NBAS: variants seen among roughly 807,000 people sequenced by gnomAD.
The protein encoded by NBAS is NBAS subunit of NRZ tethering complex.
A neutral mutation model predicts 302.5 loss-of-function variants in NBAS; 219 were observed. The observed-to-expected ratio is 0.72, with a 90% CI of 0.65 to 0.81. NBAS has a LOEUF of 0.81. Among genes scored for constraint, NBAS ranks in the 30% least tolerant of loss-of-function variants. The pLI is 0.00. For synonymous variants in NBAS, 1,118 were observed against 1,021.6 expected (o/e 1.09, Z -1.80); for missense variants, 2,932 against 2,841.6 (o/e 1.03, Z -0.72).
At chr2:15,186,114 G>T (rs1572413675) in intron 50 of NBAS, among the ~76,000 whole-genome samples, 1 of 146,754 alleles carries the variant, frequency 6.8e-6, no homozygotes, top group African/African-American at 2.6e-5. Context: ...ACACACATAT[G>T]TGTATGTATG....
intron 47 of NBAS, among the ~76,000 whole-genome samples, chr2:15,219,942 C>T (rs1417881559): frequency 6.7e-6 from 1 of 149,712 alleles, no homozygotes; most frequent in Non-Finnish European, 1.5e-5. Flanking sequence ...GGGCGGCTGG[C>T]CGGGCAGAGG....
At chr2:14,837,005 T>G in the NBAS span, among the ~76,000 whole-genome samples, 1 of 151,912 alleles carries the variant, frequency 6.6e-6, no homozygotes, top group Admixed American at 6.6e-5. Flanking sequence ...TTCTATGGAT[T>G]TTCTATTAGC....
chr2:15,539,513 C>A (rs73915367), intron 6 of NBAS, among the ~76,000 whole-genome samples, 157 bp from the exon 7 acceptor site: 1 of 152,156 alleles, frequency 6.6e-6, no homozygotes, highest in African/African-American at 2.4e-5. Context: ...AGAGCAGTTT[C>A]CAGAAACACA....
At chr2:15,551,049 G>A (rs1664358023) in intron 6 of NBAS, among the ~76,000 whole-genome samples, 1 of 152,072 alleles carries the variant, frequency 6.6e-6, no homozygotes, top group Non-Finnish European at 1.5e-5. Context: ...TGAGATAAAG[G>A]AGCAGGTCTT....
intron 51 of NBAS, among the ~76,000 whole-genome samples, chr2:15,172,067 G>A (rs143769329): frequency 9.2e-4 from 140 of 152,300 alleles, no homozygotes; most frequent in Admixed American, 5.2e-3. Flanking sequence ...ATGAATGTAA[G>A]CACAACCACA....
chr2:14,917,541 G>T, the NBAS span, among the ~76,000 whole-genome samples: 5 of 152,206 alleles, frequency 3.3e-5, no homozygotes, highest in African/African-American at 1.2e-4. Context: ...AACTTAGAAG[G>T]TATGAATTAG....
chr2:15,466,308 G>T (rs2148569883), intron 19 of NBAS, among the ~76,000 whole-genome samples: 1 of 152,194 alleles, frequency 6.6e-6, no homozygotes, highest in Middle Eastern at 3.4e-3. Context: ...CAAAAGGGAG[G>T]CAGAACACAG....
In NBAS at chr2:15,537,593, G is replaced by A. The variant is rs143728130; in HGVS notation, c.514-1042C>T. 4.7e-3 allele frequency among the ~76,000 whole-genome samples: 723 copies of A among 152,280 alleles called. 8 individuals are homozygous for A. The highest frequency in any genetic ancestry group is 0.016 in the African/African-American group (671 of 41,560). Reference sequence around the variant, plus strand: ...AGGAGTCCAAGACCCAGCCTGGACAGCAAAGCAAGATTCTGTCTTTACAAA... The same window carrying A: ...AGGAGTCCAAGACCCAGCCTGGACAACAAAGCAAGATTCTGTCTTTACAAA... On this transcript the variant is annotated intron_variant, in intron 7 of 51. Coordinates refer to ENST00000281513, the MANE Select transcript of NBAS (RefSeq NM_015909.4).
the NBAS span, among the ~76,000 whole-genome samples, chr2:14,969,809 A>T: frequency 1.3e-5 from 2 of 152,186 alleles, no homozygotes; most frequent in Non-Finnish European, 2.9e-5. Flanking sequence ...TACAAAAATT[A>T]ACTTCAAATA....
the NBAS span, among the ~76,000 whole-genome samples, chr2:15,133,456 G>C: frequency 6.6e-6 from 1 of 152,206 alleles, no homozygotes; most frequent in Non-Finnish European, 1.5e-5. Context: ...AACAGCATTA[G>C]CAAAGGTGTC....
rs138310172 is a variant in NBAS, at chr2:15,473,300, G to A, written c.1647C>T (p.Tyr549=). The A allele has an allele frequency of 9.9e-6, 16 of 1,614,028 alleles. No homozygotes were observed. Among genetic ancestry groups the A allele is most frequent in the Middle Eastern group, 1.6e-4 (1 of 6,062 alleles). Residue 549 remains tyrosine (Y), a synonymous_variant, in exon 16 of 52, where the codon TAC becomes TAT. Coordinates refer to ENST00000281513, the MANE Select transcript of NBAS (RefSeq NM_015909.4). ...GATATACAAGGTCAGTATCCAGGCCGTAGGTATGAGCCAAGGACAAGGCTT... is the reference window on the plus strand; with the variant it reads ...GATATACAAGGTCAGTATCCAGGCCATAGGTATGAGCCAAGGACAAGGCTT... ...YEEALSLAHT[Y]GLDTDLVYQR...
the NBAS span, among the ~76,000 whole-genome samples, chr2:15,113,363 A>C: frequency 2.7e-5 from 1 of 37,336 alleles, no homozygotes; most frequent in Admixed American, 3.4e-4. Flanking sequence ...GTGTGTGTGT[A>C]TCCTAGCTCT....
At chr2:15,174,997 C>T (rs1274405356) in intron 51 of NBAS, among the ~76,000 whole-genome samples, 4 of 152,152 alleles carry the variant, frequency 2.6e-5, no homozygotes, top group East Asian at 1.9e-4. Flanking sequence ...TTTTTTGAGA[C>T]GGAGTCTCAC....
chr2:15,108,079 TTCACCTG>T, the NBAS span, among the ~76,000 whole-genome samples: 13,015 of 152,186 alleles, frequency 0.086, 1,027 homozygotes, highest in African/African-American at 0.21. Flanking sequence ...TGTGTATCCA[TTCACCTG>T]TTGATGCACT....
At chr2:15,503,889 T>G (rs867957681) in intron 11 of NBAS, among the ~76,000 whole-genome samples, 1 of 152,218 alleles carries the variant, frequency 6.6e-6, no homozygotes, top group Non-Finnish European at 1.5e-5. Context: ...TTGAGCTATA[T>G]TCCCAGATCC....
the NBAS span, among the ~76,000 whole-genome samples, chr2:15,107,700 T>G: frequency 6.6e-6 from 1 of 152,286 alleles, no homozygotes; most frequent in Middle Eastern, 3.4e-3. Context: ...ATCATTCATA[T>G]ATAATAAAAT....
the NBAS span, among the ~76,000 whole-genome samples, chr2:15,159,307 C>G: frequency 1.3e-5 from 2 of 152,140 alleles, no homozygotes; most frequent in Non-Finnish European, 2.9e-5. Flanking sequence ...GAATGTTACC[C>G]CTGGGAGAGC....
At chr2:15,498,204 G>T (rs1681141416) in intron 11 of NBAS, among the ~76,000 whole-genome samples, 1 of 152,136 alleles carries the variant, frequency 6.6e-6, no homozygotes. Flanking sequence ...AAAGAATATG[G>T]CAGCAATGTA....
chr2:15,034,278 G>GAAAGAAAGAAAGAAAGAAAGAAAGAA, the NBAS span, among the ~76,000 whole-genome samples: 28 of 127,496 alleles, frequency 2.2e-4, 3 homozygotes, highest in South Asian at 5.5e-4. Flanking sequence ...GAAAGAAAGA[G>GAAAGAAAGAAAGAAAGAAAGAAAGAA]AGAAAGAAAG....
Sources: allele counts gnomAD v4.1 joint callset (sites outside exome capture counted in the v4.1 genomes callset), GRCh38; gene constraint gnomAD v4.1.1; transcripts MANE v1.5; gene names NCBI Gene and HGNC (gene_info 2026-07-23, HGNC 2026-07-21).